Variants in LRRC69 observed in about 807,000 individuals in gnomAD.
LRRC69 encodes leucine-rich repeat-containing protein 69.
LRRC69 carries 42 observed loss-of-function variants against 37.8 expected under a neutral mutation model. The ratio of observed to expected loss-of-function variants is 1.11; its 90% CI spans 0.87 to 1.44. The LOEUF (loss-of-function observed/expected upper bound fraction) is 1.44. Among genes scored for constraint, LRRC69 ranks in the 40% most tolerant of loss-of-function variants. The pLI is 0.00. For missense variants in LRRC69, 357 were observed against 401.9 expected (o/e 0.89, Z 0.96); for synonymous variants, 141 against 143.1 (o/e 0.99, Z 0.11).
At chr8:91,192,903 A>G (rs1166646695) in intron 6 of LRRC69, among the ~76,000 whole-genome samples, 4 of 152,094 alleles carry the variant, frequency 2.6e-5, no homozygotes, top group East Asian at 3.9e-4. Flanking sequence ...TTGGTGTTTT[A>G]GACATGAAGT....
intron 5 of LRRC69, among the ~76,000 whole-genome samples, chr8:91,144,857 T>TACAAATCAAGTGAAGAAATCAAAGTGA (rs1808590786): frequency 2.6e-5 from 4 of 152,110 alleles, no homozygotes; most frequent in African/African-American, 9.6e-5. Flanking sequence ...TTTTTGTGCT[T>TACAAATCAAGTGAAGAAATCAAAGTGA]AATACAAAAT....
At chr8:91,169,138 C>A in intron 5 of LRRC69, among the ~76,000 whole-genome samples, 1 of 151,858 alleles carries the variant, frequency 6.6e-6, no homozygotes, top group East Asian at 1.9e-4. Context: ...TAATCCTAAG[C>A]AAACTAACCC....
intron 7 of LRRC69, 92 bp downstream of exon 7, chr8:91,200,884 C>T: frequency 1.7e-6 from 2 of 1,204,088 alleles, no homozygotes; most frequent in Non-Finnish European, 1.1e-6. Context: ...AGATTTGTAC[C>T]TATGATTGGC....
intron 5 of LRRC69, chr8:91,158,304 G>T (rs1458419436): frequency 1.3e-6 from 2 of 1,492,000 alleles, no homozygotes; most frequent in Non-Finnish European, 1.9e-6. Flanking sequence ...TTCAATCCCA[G>T]AAAGAAACTG....
intron 6 of LRRC69, among the ~76,000 whole-genome samples, chr8:91,190,986 T>A (rs1480358497): frequency 6.6e-6 from 1 of 150,816 alleles, no homozygotes; most frequent in Non-Finnish European, 1.5e-5. Context: ...CTGCAATGAG[T>A]TGGGTTCATG....
At chr8:91,208,830 G>A (rs1362087507) in intron 7 of LRRC69, among the ~76,000 whole-genome samples, 2 of 152,104 alleles carry the variant, frequency 1.3e-5, no homozygotes, top group Admixed American at 1.3e-4. Context: ...TCGAAGCTCC[G>A]TGGTAGTGTC....
intron 4 of LRRC69, among the ~76,000 whole-genome samples, 200 bp from the exon 5 acceptor site, chr8:91,135,468 A>T (rs560212840): frequency 6.6e-6 from 1 of 152,166 alleles, no homozygotes; most frequent in Non-Finnish European, 1.5e-5. Context: ...TGGAGTGGTC[A>T]GAGGAAATGA....
chr8:91,152,085 G>T (rs905131009), intron 5 of LRRC69, among the ~76,000 whole-genome samples: 4 of 151,582 alleles, frequency 2.6e-5, no homozygotes, highest in African/African-American at 9.7e-5. Context: ...TATTCTGTAG[G>T]TTGCCTGTTC....
At chr8:91,161,561 G>T (rs1473031814) in intron 5 of LRRC69, among the ~76,000 whole-genome samples, 2 of 150,946 alleles carry the variant, frequency 1.3e-5, no homozygotes, top group Non-Finnish European at 3.0e-5. Flanking sequence ...GTTTTCTCTA[G>T]GTTTTCCAAT....
At chr8:91,200,659 C>A in exon 7 of LRRC69, 1 of 1,472,114 alleles carries the variant, frequency 6.8e-7, no homozygotes, top group Non-Finnish European at 9.0e-7. Flanking sequence ...GAAAATAACC[C>A]TTTCCTAATG....
chr8:91,160,482 A>G (rs891159184), intron 5 of LRRC69, among the ~76,000 whole-genome samples: 3 of 150,978 alleles, frequency 2.0e-5, no homozygotes, highest in Admixed American at 6.6e-5. Flanking sequence ...GTAATCTCCA[A>G]TGTTGGGGGA....
At chr8:91,215,524 G>T (rs1023784067) in intron 7 of LRRC69, among the ~76,000 whole-genome samples, 1 of 152,026 alleles carries the variant, frequency 6.6e-6, no homozygotes, top group East Asian at 1.9e-4. Flanking sequence ...TAAAAAACAC[G>T]TAGAGAATAT....
chr8:91,191,041 ACC>A (rs58095353), intron 6 of LRRC69, among the ~76,000 whole-genome samples: 6,827 of 114,330 alleles, frequency 0.06, 481 homozygotes, highest in African/African-American at 0.17. Flanking sequence ...CCTGTCTCAA[ACC>A]CCCCCCCCCC....
Position 91,160,311 on chromosome 8 carries a change from T to A in LRRC69, c.651+24572T>A, listed in dbSNP as rs184192045. ...ATCTTTAGTTTTTTGTTTTTTTTTT[T>A]AAATATATAAGATAATGTCATCTGC... On this transcript the variant is annotated intron_variant, in intron 5 of 7. Coordinates refer to ENST00000448384, the Ensembl canonical transcript of LRRC69. Among the ~76,000 whole-genome samples, 343 of 150,944 alleles carry A rather than the reference T, an allele frequency of 2.3e-3. 6 individuals carry two copies. The East Asian group carries it at 0.031, about 14-fold the overall frequency.
intron 5 of LRRC69, among the ~76,000 whole-genome samples, chr8:91,150,173 T>G (rs542817074): frequency 2.6e-5 from 4 of 151,986 alleles, no homozygotes; most frequent in South Asian, 4.1e-4. Flanking sequence ...AATTTTCAAA[T>G]GGAATGCTTC....
intron 5 of LRRC69, among the ~76,000 whole-genome samples, chr8:91,185,318 T>G (rs544280068): frequency 3.8e-4 from 58 of 151,966 alleles, no homozygotes; most frequent in Middle Eastern, 3.4e-3. Flanking sequence ...ATGAGGAAGG[T>G]CTCAGTGTCT....
intron 5 of LRRC69, among the ~76,000 whole-genome samples, chr8:91,167,935 T>C (rs1202964572): frequency 6.6e-6 from 1 of 151,944 alleles, no homozygotes; most frequent in Non-Finnish European, 1.5e-5. Context: ...ATCCTTAAAT[T>C]CCCCAAGTCT....
intron 5 of LRRC69, chr8:91,158,342 G>T (rs1808873357): frequency 1.4e-6 from 2 of 1,458,296 alleles, no homozygotes; most frequent in Admixed American, 3.4e-5. Context: ...TCTAGTTTTT[G>T]ATGAGAATGA....
chr8:91,114,960 C>T (rs1202605545), intron 1 of LRRC69, among the ~76,000 whole-genome samples: 1 of 151,904 alleles, frequency 6.6e-6, no homozygotes, highest in Admixed American at 6.6e-5. Context: ...AAGACAAATA[C>T]TACATGATTT....
Sources: gnomAD v4.1 joint callset for allele counts (sites outside exome capture counted in the v4.1 genomes callset) on GRCh38, gnomAD v4.1.1 for gene constraint, MANE v1.5 for transcripts, NCBI Gene and HGNC (gene_info 2026-07-23, HGNC 2026-07-21) for gene names.